The following HNMT variants were observed in gnomAD, a reference collection of about 807,000 sequenced individuals.
The protein encoded by HNMT is histamine N-methyltransferase.
HNMT carries 30 observed loss-of-function variants against 32.1 expected under a neutral mutation model. The observed-to-expected ratio is 0.93, with a 90% confidence interval of 0.70 to 1.27. HNMT has a LOEUF of 1.27. HNMT is among the 50% of genes most tolerant of loss of function. HNMT has a pLI of 0.00. For synonymous variants in HNMT, 125 were observed against 119.0 expected (o/e 1.05, Z -0.33); for missense variants, 327 against 346.0 (o/e 0.95, Z 0.43).
At chr2:137,985,189 C>T (rs1488476940) in intron 2 of HNMT, among the ~76,000 whole-genome samples, 1 of 147,022 alleles carries the variant, frequency 6.8e-6, no homozygotes, top group Non-Finnish European at 1.5e-5. Context: ...GGCAGTGCCA[C>T]AGGAACCGAA....
chr2:137,981,748 T>G (rs1271917953), intron 2 of HNMT: 2 of 189,446 alleles, frequency 1.1e-5, no homozygotes, highest in African/African-American at 4.6e-5. Context: ...ATACCCATTT[T>G]ACACATATGC....
intron 2 of HNMT, among the ~76,000 whole-genome samples, chr2:138,000,399 C>T (rs926573399): frequency 6.6e-6 from 1 of 152,088 alleles, no homozygotes; most frequent in African/African-American, 2.4e-5. Flanking sequence ...TTTATGAGGG[C>T]AGATATCTGA....
chr2:137,991,385 A>T, intron 2 of HNMT, among the ~76,000 whole-genome samples: 1 of 152,234 alleles, frequency 6.6e-6, no homozygotes, highest in East Asian at 1.9e-4. Context: ...ATCTGTTCAG[A>T]TTCTTCTTGA....
chr2:138,003,368 C>T (rs921308230), intron 4 of HNMT, among the ~76,000 whole-genome samples: 4 of 152,008 alleles, frequency 2.6e-5, no homozygotes, highest in South Asian at 2.1e-4. Flanking sequence ...GGGAAATGTA[C>T]GTATTTTGGC....
chr2:138,013,993 T>C lies in HNMT; in HGVS notation c.742T>C (p.Cys248Arg). The C allele has an allele frequency of 6.2e-7, 1 of 1,613,776 alleles. No homozygotes were observed. Among genetic ancestry groups the C allele is most frequent in the Non-Finnish European group, 8.5e-7 (1 of 1,179,790 alleles). Reference protein sequence around the residue: ...DLLWDFLTETCNFNATAPPDL... With the variant: ...DLLWDFLTETRNFNATAPPDL... ...GCTTTGGGATTTTTTGACTGAAACC[T>C]GCAACTTTAATGCCACAGCACCACC... Residue 248 changes from cysteine to arginine, a missense_variant, in exon 6 of 6, where the codon TGC becomes CGC. Transcript: ENST00000280097.
intron 5 of HNMT, 77 bp downstream of exon 5, chr2:138,005,302 G>GAT (rs1681298616): frequency 4.9e-6 from 4 of 809,462 alleles, no homozygotes; most frequent in Non-Finnish European, 8.3e-6. Context: ...TTTGAAAGAA[G>GAT]CTTATATATT....
intron 2 of HNMT, among the ~76,000 whole-genome samples, chr2:137,984,026 T>G (rs1340843192): frequency 1.3e-5 from 2 of 152,190 alleles, no homozygotes. Context: ...CCCTGAAGAT[T>G]ACCGTATTGC....
In HNMT at chr2:138,014,239, G is replaced by C. The variant is rs776870418; in HGVS notation, c.*109G>C. ...CATCCATTAATGTAGATAAAGCACT[G>C]TTTGGATATGAGATGTAGCAAATTC... On this transcript the variant is annotated 3_prime_UTR_variant, in exon 6 of 6. Coordinates refer to ENST00000280097, the MANE Select transcript of HNMT (RefSeq NM_006895.3). The C allele has an allele frequency of 1.4e-6, 1 of 723,316 alleles. No homozygotes were observed. Among genetic ancestry groups the C allele is most frequent in the Non-Finnish European group, 2.2e-6 (1 of 447,428 alleles). The allele number at this position is 723,316 out of a possible 1,614,324, so 44.8% of individuals were successfully genotyped here.
chr2:137,990,956 C>T (rs1680799674), intron 2 of HNMT, among the ~76,000 whole-genome samples: 1 of 152,190 alleles, frequency 6.6e-6, no homozygotes, highest in Admixed American at 6.5e-5. Context: ...CCCTTTCAGA[C>T]ACCAGTTGCA....
intron 1 of HNMT, among the ~76,000 whole-genome samples, chr2:137,964,859 C>T (rs1406865055): frequency 6.6e-6 from 1 of 152,152 alleles, no homozygotes; most frequent in Non-Finnish European, 1.5e-5. Flanking sequence ...GTATTTCCAG[C>T]TGCATAGAGA....
chr2:138,012,100 A>T (rs1266766745), intron 5 of HNMT, among the ~76,000 whole-genome samples: 1 of 152,156 alleles, frequency 6.6e-6, no homozygotes, highest in Non-Finnish European at 1.5e-5. Flanking sequence ...TCAAGAATGC[A>T]ATCAGTGGAA....
intron 5 of HNMT, among the ~76,000 whole-genome samples, chr2:138,010,687 G>A (rs1056134453): frequency 9.9e-5 from 15 of 152,054 alleles, no homozygotes; most frequent in Admixed American, 3.3e-4. Flanking sequence ...TAACTCAAGA[G>A]ACTGTCATTT....
chr2:137,969,275 C>T (rs1332319273), intron 1 of HNMT, among the ~76,000 whole-genome samples: 1 of 152,168 alleles, frequency 6.6e-6, no homozygotes, highest in African/African-American at 2.4e-5. Flanking sequence ...ACTACTATAA[C>T]TCTGCAATAT....
chr2:137,981,786 T>G (rs1317466554), intron 2 of HNMT: 1 of 164,072 alleles, frequency 6.1e-6, no homozygotes, highest in East Asian at 1.7e-4. Flanking sequence ...GACCCACACA[T>G]TTGCATAGGA....
At chr2:137,972,076 T>C (rs1432380312) in intron 2 of HNMT, among the ~76,000 whole-genome samples, 1 of 152,076 alleles carries the variant, frequency 6.6e-6, no homozygotes, top group Non-Finnish European at 1.5e-5. Context: ...AGCTCTCTAA[T>C]GAAATGAGAT....
At chr2:137,999,470 CCT>C (rs1424285012) in intron 2 of HNMT, among the ~76,000 whole-genome samples, 2 of 152,142 alleles carry the variant, frequency 1.3e-5, no homozygotes, top group East Asian at 3.9e-4. Context: ...CTCATATGCA[CCT>C]GGACCACTGT....
At chr2:137,966,611 C>CTA (rs1463990301) in intron 1 of HNMT, among the ~76,000 whole-genome samples, 1 of 152,138 alleles carries the variant, frequency 6.6e-6, no homozygotes, top group African/African-American at 2.4e-5. Flanking sequence ...CTAGAGTTGA[C>CTA]TATTGCCTTG....
rs1482512982 is a variant in HNMT, at chr2:138,014,230, T to G, written c.*100T>G. 3 of 775,240 alleles carry G rather than the reference T, an allele frequency of 3.9e-6. No homozygotes were observed. The highest frequency in any genetic ancestry group is 6.1e-6 in the Non-Finnish European group (3 of 490,346). 48.0% of individuals were successfully genotyped at this position (775,240 alleles called of 1,614,324 possible). On this transcript the variant is annotated 3_prime_UTR_variant, in exon 6 of 6. Coordinates refer to ENST00000280097, the MANE Select transcript of HNMT (RefSeq NM_006895.3). Reference sequence around the variant, plus strand: ...TCACAAACTCATCCATTAATGTAGATAAAGCACTGTTTGGATATGAGATGT... The same window carrying G: ...TCACAAACTCATCCATTAATGTAGAGAAAGCACTGTTTGGATATGAGATGT...
chr2:138,013,976 A>C lies in HNMT; in HGVS notation c.725A>C (p.Asp242Ala), dbSNP rs757143380. 6.2e-7 allele frequency: 1 copy of C among 1,613,614 alleles called. No individual in the cohort carries two copies. Among genetic ancestry groups the C allele is most frequent in the South Asian group, 1.1e-5 (1 of 91,074 alleles). The change falls in exon 6 of 6, where the codon GAT becomes GCT. Residue 242 changes from aspartate to alanine, a missense_variant. By Grantham distance (126) the Asp-to-Ala change is moderately radical (BLOSUM62 -2). Transcript: ENST00000280097. The part of the protein sequence containing the change: ...DGNENGDLLW[D>A]FLTETCNFNA... ...AATGAAAATGGAGACCTGCTTTGGG[A>C]TTTTTTGACTGAAACCTGCAACTTT...
Sources: gnomAD v4.1 joint callset for allele counts (sites outside exome capture counted in the v4.1 genomes callset) on GRCh38, gnomAD v4.1.1 for gene constraint, MANE v1.5 for transcripts, NCBI Gene and HGNC (gene_info 2026-07-23, HGNC 2026-07-21) for gene names.